The following MOV10 variants were observed in gnomAD, a reference collection of about 807,000 sequenced individuals.
MOV10 encodes the protein RNA helicase MOV-10.
Under a neutral mutation model 108.4 loss-of-function variants are expected in MOV10, and 39 were observed. The observed-to-expected ratio is 0.36, with a 90% confidence interval of 0.28 to 0.47. MOV10 has a LOEUF of 0.47. Among genes scored for constraint, MOV10 ranks in the 20% least tolerant of loss-of-function variants. MOV10 has a pLI of 1.00. For synonymous variants in MOV10, 490 were observed against 523.1 expected (o/e 0.94, Z 0.86); for missense variants, 952 against 1,297.6 (o/e 0.73, Z 4.09).
intron 6 of MOV10, among the ~76,000 whole-genome samples, chr1:112,692,548 G>A (rs1429160650): frequency 1.3e-5 from 2 of 152,170 alleles, no homozygotes; most frequent in Non-Finnish European, 2.9e-5. Context: ...AGTCGGGTGA[G>A]GTGGGGGCAG....
intron 6 of MOV10, 86 bp from the exon 7 acceptor site, chr1:112,692,675 G>C: frequency 6.6e-7 from 1 of 1,523,246 alleles, no homozygotes; most frequent in Non-Finnish European, 8.9e-7. Flanking sequence ...GCTTCAGGTG[G>C]GAGAAGGTGG....
At chr1:112,679,381 C>T (rs1434618339) in intron 2 of MOV10, among the ~76,000 whole-genome samples, 1 of 152,108 alleles carries the variant, frequency 6.6e-6, no homozygotes, top group Non-Finnish European at 1.5e-5. Context: ...ATAATAATTA[C>T]TACCTCAAAG....
rs781686168 is a variant in MOV10 at position 112,700,644 on chromosome 1, C to T, written c.*137C>T. On this transcript the variant is annotated 3_prime_UTR_variant, in exon 21 of 21. Coordinates refer to ENST00000369645, the MANE Select transcript of MOV10 (RefSeq NM_001321324.2). ...GTTTACAACCCAAGCCATTCCACCCCCTCCCCTGCTGGGGAGAATGACACA... is the reference window on the plus strand; with the variant it reads ...GTTTACAACCCAAGCCATTCCACCCTCTCCCCTGCTGGGGAGAATGACACA... The T allele has an allele frequency of 6.5e-7, 1 of 1,541,932 alleles. No individual in the cohort carries two copies. Among genetic ancestry groups the T allele is most frequent in the Non-Finnish European group, 8.7e-7 (1 of 1,145,858 alleles).
At position 112,674,941 on chromosome 1, in the gene MOV10, T is replaced by C; in HGVS notation, c.29T>C (p.Leu10Pro). Residue 10 changes from leucine (L) to proline (P), a missense_variant, in exon 2 of 21, where the codon CTC becomes CCC. Around this residue, in one of 5 missense-constraint regions of MOV10, gnomAD observed 374 missense variants for 468.6 expected, o/e 0.80. Coordinates refer to ENST00000369645, the MANE Select transcript of MOV10 (RefSeq NM_001321324.2). ...CCCAGTAAGTTCAGCTGCCGGCAGC[T>C]CCGGGAGGCGGGCCAGTGTTTCGAG... MPSKFSCRQLREAGQCFESF... is the reference protein window; with the variant it reads MPSKFSCRQPREAGQCFESF... 6.3e-7 allele frequency: 1 copy of C among 1,583,272 alleles called. No homozygotes were observed. Among genetic ancestry groups the C allele is most frequent in the Non-Finnish European group, 8.6e-7 (1 of 1,165,776 alleles).
intron 2 of MOV10, among the ~76,000 whole-genome samples, chr1:112,686,440 C>T (rs1673086149): frequency 6.6e-6 from 1 of 152,182 alleles, no homozygotes; most frequent in South Asian, 2.1e-4. Context: ...TTTGCTGATT[C>T]TCCTTTCTCT....
Position 112,700,554 on chromosome 1 carries a change from G to T in MOV10, c.*47G>T. ...CGCACCAGCCAAGCCTTAACTGCCT[G>T]CCTGACCCTGAACCAGAACCCAGCT... On this transcript the variant is annotated 3_prime_UTR_variant, in exon 21 of 21. Coordinates refer to ENST00000369645, the MANE Select transcript of MOV10 (RefSeq NM_001321324.2). The T allele has an allele frequency of 6.2e-7, 1 of 1,604,802 alleles. No individual in the cohort carries two copies. The highest frequency in any genetic ancestry group is 8.5e-7 in the Non-Finnish European group (1 of 1,175,288).
At chr1:112,688,699 C>A (rs1673288574) in intron 2 of MOV10, 1 of 1,420,600 alleles carries the variant, frequency 7.0e-7, no homozygotes, top group Non-Finnish European at 9.2e-7. Context: ...CAATCCAGAA[C>A]CCACTGTTTA....
chr1:112,675,290 T>G lies in MOV10; in HGVS notation c.137+241T>G, dbSNP rs1161487573. On this transcript the variant is annotated intron_variant, in intron 2 of 20. Coordinates refer to ENST00000369645, the MANE Select transcript of MOV10 (RefSeq NM_001321324.2). This position sits in a 1 kb window ranked among gnomAD's most constrained non-coding sequence, Gnocchi z 4.7. ...CTGCGCCAAGTCGCCGCGGAGAGCC[T>G]CCCGCGCTGCCCGCGCCCCCGGAGG... Among the ~76,000 whole-genome samples the G allele has an allele frequency of 6.6e-6, 1 of 151,856 alleles. No individual in the cohort carries two copies. The highest frequency in any genetic ancestry group is 1.5e-5 in the Non-Finnish European group (1 of 67,948).
chr1:112,690,039 C>G lies in MOV10; in HGVS notation c.777C>G (p.Thr259=), dbSNP rs779455601. The G allele has an allele frequency of 2.7e-5, 44 of 1,613,922 alleles. No homozygotes were observed. In the South Asian group the frequency reaches 3.8e-4, roughly 14 times the overall value. ...AGCCCATGACTCCCTTCAAGCGGAC[C>G]CGGATCACCGGAAACCCTGTGGTGA... ...QLKPMTPFKR[T]RITGNPVVTN... is the part of the protein sequence containing the mutation. Residue 259 remains threonine, a synonymous_variant, in exon 5 of 21, where the codon ACC becomes ACG. Transcript: ENST00000369645.
At position 112,689,566 on chromosome 1, in the gene MOV10, C is replaced by G. The variant is rs916698901; in HGVS notation, c.493C>G (p.Leu165Val). ...LRNGGTQSVT[L>V]THLFPLCRTP... The stretch of plus-strand genomic sequence containing the variant: ...GAATGGCGGAACCCAGTCTGTTACC[C>G]TCACTCACCTCTTCCCACTCTGCCG... Residue 165 changes from leucine (L) to valine (V), a missense_variant, in exon 4 of 21, where the codon CTC (leucine) becomes GTC (valine). Around this residue, in one of 5 missense-constraint regions of MOV10, gnomAD observed 374 missense variants for 468.6 expected, o/e 0.80. Transcript: ENST00000369645. The G allele has an allele frequency of 3.1e-6, 5 of 1,614,096 alleles. No homozygotes were observed. In the African/African-American group the frequency reaches 6.7e-5, roughly 22 times the overall value.
At position 112,696,992 on chromosome 1, in the gene MOV10, T is replaced by C. The variant is rs1241514001; in HGVS notation, c.2198+146T>C. On this transcript the variant is annotated intron_variant, in intron 14 of 20. Transcript: ENST00000369645. ...GACTAAACTGGAAGGCAGGAGGTTTTTCTAGCCCCAGCACTGCTGCTTGTT... is the reference window on the plus strand; with the variant it reads ...GACTAAACTGGAAGGCAGGAGGTTTCTCTAGCCCCAGCACTGCTGCTTGTT... The C allele has an allele frequency of 2.1e-5, 15 of 714,660 alleles. No homozygotes were observed. In the Admixed American group the frequency reaches 2.9e-4, roughly 14 times the overall value. 44.3% of individuals were successfully genotyped at this position (714,660 alleles called of 1,614,324 possible).
At chr1:112,692,300 C>G (rs887267558) in intron 6 of MOV10, among the ~76,000 whole-genome samples, 17 of 152,216 alleles carry the variant, frequency 1.1e-4, no homozygotes, top group African/African-American at 4.1e-4. Context: ...CATGCCACTG[C>G]ACTCCAGCAT....
chr1:112,693,320 G>T (rs1293905578), intron 7 of MOV10, among the ~76,000 whole-genome samples: 1 of 152,236 alleles, frequency 6.6e-6, no homozygotes, highest in East Asian at 1.9e-4. Flanking sequence ...GAATTAGAGG[G>T]TGAGTTTGTT....
Position 112,699,893 on chromosome 1 carries a change from G to A in MOV10, c.2710-1G>A. ...ATGACCACACCACTTCTTCCTTCCA[G>A]AGGTTCAATGTAGCTGTGACCCGGG... On this transcript the variant is annotated splice_acceptor_variant, in intron 18 of 20. Transcript: ENST00000369645. LOFTEE classifies it high-confidence loss of function. The A allele has an allele frequency of 6.2e-7, 1 of 1,614,136 alleles. No homozygotes were observed. The highest frequency in any genetic ancestry group is 1.1e-5 in the South Asian group (1 of 91,084).
chr1:112,693,350 G>C (rs556450667), intron 7 of MOV10, among the ~76,000 whole-genome samples: 294 of 152,318 alleles, frequency 1.9e-3, no homozygotes, highest in Non-Finnish European at 3.1e-3. Context: ...ATTACTGCAG[G>C]AAGTGAGTTT....
chr1:112,677,621 G>A (rs1006827562), intron 2 of MOV10, among the ~76,000 whole-genome samples: 3 of 152,048 alleles, frequency 2.0e-5, no homozygotes, highest in Non-Finnish European at 4.4e-5. Context: ...TGCTAGCCAC[G>A]CAAATGCTAG....
rs1268601671 is a variant in MOV10 at position 112,675,307 on chromosome 1, C to T, written c.137+258C>T. On this transcript the variant is annotated intron_variant, in intron 2 of 20. Transcript: ENST00000369645. The surrounding 1 kb of genome is among the most constrained non-coding windows in gnomAD (Gnocchi z 4.7). ...GGAGAGCCTCCCGCGCTGCCCGCGC[C>T]CCCGGAGGCCGGAACCCGGGGCCGG... Among the ~76,000 whole-genome samples the T allele has an allele frequency of 6.6e-6, 1 of 152,064 alleles. No homozygotes were observed. The highest frequency in any genetic ancestry group is 1.5e-5 in the Non-Finnish European group (1 of 67,988).
chr1:112,687,839 G>A (rs934667844), intron 2 of MOV10, among the ~76,000 whole-genome samples: 7 of 152,084 alleles, frequency 4.6e-5, no homozygotes, highest in African/African-American at 1.7e-4. Context: ...GGAGGAAAGC[G>A]AGGCTCTGAG....
In MOV10 at chr1:112,676,828, G is replaced by A. The variant is rs1032686001; in HGVS notation, c.137+1779G>A. On this transcript the variant is annotated intron_variant, in intron 2 of 20. Transcript: ENST00000369645. ...TGGGCCTAAGACTGAAGGGTTTGGGGAGGCAAGGTCAAGGGCTAGTCAAAA... is the reference window on the plus strand; with the variant it reads ...TGGGCCTAAGACTGAAGGGTTTGGGAAGGCAAGGTCAAGGGCTAGTCAAAA... 7.5e-4 allele frequency among the ~76,000 whole-genome samples: 115 copies of A among 152,318 alleles called. 1 individual carries two copies. Among genetic ancestry groups the A allele is most frequent in the African/African-American group, 2.5e-3 (105 of 41,562 alleles).
Sources: allele counts gnomAD v4.1 joint callset (sites outside exome capture counted in the v4.1 genomes callset), GRCh38; gene constraint gnomAD v4.1.1; regional missense constraint gnomAD v4.1.1; non-coding constraint Gnocchi (gnomAD v3.1); transcripts MANE v1.5; gene names NCBI Gene and HGNC (gene_info 2026-07-23, HGNC 2026-07-21).